The following CALCRL variants were observed in gnomAD, a reference collection of about 807,000 sequenced individuals.
The protein encoded by CALCRL is calcitonin gene-related peptide type 1 receptor.
Under a neutral mutation model 60.4 loss-of-function variants are expected in CALCRL, and 27 were observed. The observed-to-expected ratio is 0.45, with a 90% CI of 0.33 to 0.62. The LOEUF (loss-of-function observed/expected upper bound fraction) is 0.62. Ranked by LOEUF, CALCRL falls within the 20% of genes least tolerant of loss-of-function variation. The pLI is 0.03. For synonymous variants in CALCRL, 190 were observed against 182.6 expected, an observed-to-expected ratio of 1.04 and a Z score of -0.33; for missense variants, 424 against 540.7, an observed-to-expected ratio of 0.78 and a Z score of 2.14.
chr2:187,399,414 G>A (rs1688790589), intron 1 of CALCRL, among the ~76,000 whole-genome samples: 1 of 151,436 alleles, frequency 6.6e-6, no homozygotes, highest in Non-Finnish European at 1.5e-5. Context: ...GAAAACATAA[G>A]GGTAAAATGT....
intron 8 of CALCRL, among the ~76,000 whole-genome samples, chr2:187,372,135 C>A (rs1687552751): frequency 6.6e-6 from 1 of 150,924 alleles, no homozygotes; most frequent in East Asian, 1.9e-4. Context: ...CAAAGACGTT[C>A]TTTAAAAAAA....
chr2:187,410,703 A>G (rs1689319506), intron 1 of CALCRL, among the ~76,000 whole-genome samples: 1 of 152,188 alleles, frequency 6.6e-6, no homozygotes. Context: ...TCAGTTCCAC[A>G]GCCCACAGGG....
chr2:187,425,525 C>G (rs1690081066), intron 1 of CALCRL, among the ~76,000 whole-genome samples: 1 of 151,824 alleles, frequency 6.6e-6, no homozygotes, highest in Admixed American at 6.6e-5. Flanking sequence ...ATTCTAGATC[C>G]AATTTTTCCT....
Position 187,371,672 on chromosome 2 carries a change from G to T in CALCRL, c.500+7268C>A, listed in dbSNP as rs1401270890. Among the ~76,000 whole-genome samples the T allele has an allele frequency of 4.6e-5, 7 of 150,900 alleles. No homozygotes were observed. The South Asian group carries it at 1.3e-3, about 27-fold the overall frequency. ...AATCGCTTGAACCCGGGAAGCAGAGGTTGCAGTGAGCCAAGATCCCGCCAC... is the reference window on the plus strand; with the variant it reads ...AATCGCTTGAACCCGGGAAGCAGAGTTTGCAGTGAGCCAAGATCCCGCCAC... On this transcript the variant is annotated intron_variant, in intron 8 of 14. Transcript: ENST00000392370.
intron 8 of CALCRL, among the ~76,000 whole-genome samples, chr2:187,369,801 G>T (rs980133789): frequency 8.5e-5 from 13 of 152,150 alleles, no homozygotes; most frequent in African/African-American, 3.1e-4. Context: ...ATGTGGCCAG[G>T]GTGAGAAGAA....
chr2:187,383,250 ACTC>A lies in CALCRL; in HGVS notation c.104_106del (p.Gly35del). The A allele has an allele frequency of 1.9e-6, 3 of 1,611,824 alleles. No homozygotes were observed. Among genetic ancestry groups the A allele is most frequent in the Non-Finnish European group, 2.5e-6 (3 of 1,179,136 alleles). On this transcript the variant is annotated inframe_deletion, in exon 5 of 15. Transcript: ENST00000392370. ...AGCTGTCATGATTTTATTTCTAGTA[ACTC>A]CCAACTGAATTGAGTCCTCAGGACT...
At chr2:187,389,123 A>T (rs2105798098) in intron 1 of CALCRL, among the ~76,000 whole-genome samples, 1 of 145,336 alleles carries the variant, frequency 6.9e-6, no homozygotes, top group African/African-American at 2.6e-5. Flanking sequence ...CCCAAGCTGG[A>T]GTGCAGTGGT....
chr2:187,433,039 C>T (rs1690468692), intron 1 of CALCRL, among the ~76,000 whole-genome samples: 1 of 152,060 alleles, frequency 6.6e-6, no homozygotes. Flanking sequence ...TGCCTAATGA[C>T]ACATTTCTCA....
In CALCRL at chr2:187,375,069, G is replaced by T. The variant is rs561353762; in HGVS notation, c.500+3871C>A. 8.6e-5 allele frequency among the ~76,000 whole-genome samples: 13 copies of T among 151,230 alleles called. No homozygotes were observed. In the East Asian group the frequency reaches 2.6e-3, roughly 30 times the overall value. ...GGGTGGATCATGAGGTCAGGAGATCGAGACCATCCTGGCTAACAAGGTGAA... is the reference window on the plus strand; with the variant it reads ...GGGTGGATCATGAGGTCAGGAGATCTAGACCATCCTGGCTAACAAGGTGAA... On this transcript the variant is annotated intron_variant, in intron 8 of 14. Coordinates refer to ENST00000392370, the MANE Select transcript of CALCRL (RefSeq NM_005795.6).
At chr2:187,375,687 A>G (rs1364641418) in intron 8 of CALCRL, among the ~76,000 whole-genome samples, 1 of 152,166 alleles carries the variant, frequency 6.6e-6, no homozygotes, top group Non-Finnish European at 1.5e-5. Flanking sequence ...GGGAGAACCA[A>G]ATTTCTGGCC....
chr2:187,440,757 T>A (rs1690868124), intron 1 of CALCRL, among the ~76,000 whole-genome samples: 1 of 152,134 alleles, frequency 6.6e-6, no homozygotes, highest in African/African-American at 2.4e-5. Flanking sequence ...GGAATTTGGT[T>A]CATTAAATAT....
At chr2:187,429,219 T>C (rs1158646048) in intron 1 of CALCRL, among the ~76,000 whole-genome samples, 1 of 152,048 alleles carries the variant, frequency 6.6e-6, no homozygotes, top group Non-Finnish European at 1.5e-5. Context: ...TGTCAAGTTT[T>C]GGTCAGCTGT....
chr2:187,401,680 T>C (rs1220060926), intron 1 of CALCRL, among the ~76,000 whole-genome samples: 3 of 151,798 alleles, frequency 2.0e-5, no homozygotes, highest in African/African-American at 4.8e-5. Context: ...CAGATTTTAA[T>C]TTCTTATAGG....
chr2:187,437,257 T>C (rs1021256067), intron 1 of CALCRL, among the ~76,000 whole-genome samples: 1 of 152,130 alleles, frequency 6.6e-6, no homozygotes, highest in African/African-American at 2.4e-5. Flanking sequence ...CTCAGATACA[T>C]ATAGGCCGGG....
chr2:187,406,274 A>G (rs1405317901), intron 1 of CALCRL, among the ~76,000 whole-genome samples: 1 of 151,982 alleles, frequency 6.6e-6, no homozygotes, highest in African/African-American at 2.4e-5. Flanking sequence ...AGAGCAACTC[A>G]AATAATTTCT....
chr2:187,442,222 T>G (rs928903321), intron 1 of CALCRL, among the ~76,000 whole-genome samples: 6 of 150,322 alleles, frequency 4.0e-5, no homozygotes, highest in Non-Finnish European at 7.4e-5. Context: ...ATATTTTACC[T>G]TATTTTATAA....
intron 12 of CALCRL, among the ~76,000 whole-genome samples, chr2:187,354,715 C>T (rs1044879431): frequency 2.0e-5 from 3 of 151,912 alleles, no homozygotes; most frequent in Non-Finnish European, 4.4e-5. Flanking sequence ...TGTGGATTTT[C>T]GCTTCTTTTC....
intron 1 of CALCRL, among the ~76,000 whole-genome samples, chr2:187,443,132 ATGTAT>A (rs1231559344): frequency 6.6e-6 from 1 of 151,842 alleles, no homozygotes; most frequent in Non-Finnish European, 1.5e-5. Context: ...AGGTTCTGGC[ATGTAT>A]TGTATAATGG....
At chr2:187,403,690 A>G (rs1688994089) in intron 1 of CALCRL, among the ~76,000 whole-genome samples, 1 of 151,876 alleles carries the variant, frequency 6.6e-6, no homozygotes, top group African/African-American at 2.4e-5. Flanking sequence ...TAGAGGTAAA[A>G]GGACAGGCCT....
Sources: gnomAD v4.1 joint callset for allele counts (sites outside exome capture counted in the v4.1 genomes callset) on GRCh38, gnomAD v4.1.1 for gene constraint, MANE v1.5 for transcripts, NCBI Gene and HGNC (gene_info 2026-07-23, HGNC 2026-07-21) for gene names.